CUL3: variants seen among roughly 807,000 people sequenced by gnomAD.
CUL3 encodes cullin 3, also known as cullin-3.
CUL3 carries 19 observed loss-of-function variants against 89.1 expected under a neutral mutation model. That is an observed-to-expected ratio of 0.21 (90% CI 0.15 to 0.31). The LOEUF is 0.31. Among genes scored for constraint, CUL3 ranks in the 10% least tolerant of loss-of-function variants. The pLI is 1.00. For missense variants in CUL3, 469 were observed against 942.3 expected, an observed-to-expected ratio of 0.50 and a Z score of 6.58; for synonymous variants, 351 against 308.4, an observed-to-expected ratio of 1.14 and a Z score of -1.45.
chr2:224,474,127 G>A lies in CUL3; in HGVS notation c.*118C>T, dbSNP rs1223798534. ...GTAAAGGCTTGATCTCAATGGTCTA[G>A]AACATGTACTGTAATTTAATAGAAG... On this transcript the variant is annotated 3_prime_UTR_variant, in exon 16 of 16. Transcript: ENST00000264414. 13 of 1,073,202 alleles carry A rather than the reference G, an allele frequency of 1.2e-5. No homozygotes were observed. Among genetic ancestry groups the A allele is most frequent in the Non-Finnish European group, 1.7e-5 (13 of 753,990 alleles). 66.5% of individuals were successfully genotyped at this position (1,073,202 alleles called of 1,614,324 possible).
intron 1 of CUL3, among the ~76,000 whole-genome samples, chr2:224,572,488 A>G (rs1695204123): frequency 6.6e-6 from 1 of 151,852 alleles, no homozygotes; most frequent in South Asian, 2.1e-4. Flanking sequence ...CTTAAAAAAA[A>G]AAAAAAAAAA....
chr2:224,472,038 AAAT>A lies in CUL3; in HGVS notation c.*2204_*2206del, dbSNP rs752490582. On this transcript the variant is annotated 3_prime_UTR_variant, in exon 16 of 16. Transcript: ENST00000264414. ...ATTTTGTTATAACCTTTATGACCTA[AAAT>A]AATACTTATGCAGTCAAACATATAA... 10 of 231,098 alleles carry A rather than the reference AAAT, an allele frequency of 4.3e-5. No homozygotes were observed. The highest frequency in any genetic ancestry group is 6.8e-5 in the Non-Finnish European group (8 of 116,790). 14.3% of individuals were successfully genotyped at this position (231,098 alleles called of 1,614,324 possible).
chr2:224,517,991 G>C (rs1012525573), intron 3 of CUL3, among the ~76,000 whole-genome samples: 1 of 151,814 alleles, frequency 6.6e-6, no homozygotes, highest in African/African-American at 2.4e-5. Context: ...AGTACAATTC[G>C]AATACACAGG....
intron 1 of CUL3, among the ~76,000 whole-genome samples, chr2:224,569,045 T>C (rs1269516701): frequency 6.6e-6 from 1 of 152,218 alleles, no homozygotes; most frequent in Non-Finnish European, 1.5e-5. Context: ...TAAGCTATAC[T>C]TCATTCCAGG....
At chr2:224,568,878 G>A (rs556153106) in intron 1 of CUL3, among the ~76,000 whole-genome samples, 1 of 152,248 alleles carries the variant, frequency 6.6e-6, no homozygotes, top group East Asian at 1.9e-4. Context: ...TCAAATGCAC[G>A]TCAACATCCT....
chr2:224,555,595 A>G (rs979024809), intron 2 of CUL3, among the ~76,000 whole-genome samples: 1 of 152,204 alleles, frequency 6.6e-6, no homozygotes, highest in Non-Finnish European at 1.5e-5. Flanking sequence ...TTCCCAAACC[A>G]TCTTTGTAAC....
At position 224,506,072 on chromosome 2, in the gene CUL3, G is replaced by A. The variant is rs765785569; in HGVS notation, c.1090C>T (p.Arg364Cys). ...RFLLESFNND[R>C]LFKQTIAGDF... Reference sequence around the variant, plus strand: ...CCCGCAATAGTTTGTTTAAAGAGACGGTCATTGTTGAATGATTCCAGGAGG... The same window carrying A: ...CCCGCAATAGTTTGTTTAAAGAGACAGTCATTGTTGAATGATTCCAGGAGG... Residue 364 changes from arginine (R) to cysteine (C), a missense_variant, in exon 8 of 16, where the codon CGT becomes TGT. By Grantham distance (180) the Arg-to-Cys change is radical (BLOSUM62 -3). Coordinates refer to ENST00000264414, the MANE Select transcript of CUL3 (RefSeq NM_003590.5). 5.0e-6 allele frequency: 8 copies of A among 1,612,346 alleles called. No homozygotes were observed. The highest frequency in any genetic ancestry group is 6.8e-6 in the Non-Finnish European group (8 of 1,179,100).
intron 14 of CUL3, 120 bp from the exon 15 acceptor site, chr2:224,478,465 CACTT>C (rs1489463087): frequency 5.3e-5 from 42 of 797,466 alleles, no homozygotes; most frequent in Non-Finnish European, 7.8e-5. Flanking sequence ...TGAATATACA[CACTT>C]ATTAATTCAA....
chr2:224,550,458 C>T (rs569836312), intron 2 of CUL3, among the ~76,000 whole-genome samples: 29 of 152,220 alleles, frequency 1.9e-4, no homozygotes, highest in African/African-American at 7.0e-4. Context: ...CAACCTGTAC[C>T]ATCTATATGT....
chr2:224,584,061 C>G (rs945101376), intron 1 of CUL3, among the ~76,000 whole-genome samples: 3 of 152,172 alleles, frequency 2.0e-5, no homozygotes, highest in African/African-American at 4.8e-5. Flanking sequence ...CACGGGGAAG[C>G]TGAACCAGAT....
intron 3 of CUL3, among the ~76,000 whole-genome samples, chr2:224,516,265 C>T (rs1425996740): frequency 6.6e-6 from 1 of 151,332 alleles, no homozygotes; most frequent in Non-Finnish European, 1.5e-5. Flanking sequence ...CTTCCATCCT[C>T]AAGATCTTAA....
At chr2:224,563,454 T>G (rs1246755444) in intron 1 of CUL3, 1 of 256,974 alleles carries the variant, frequency 3.9e-6, no homozygotes, top group East Asian at 1.2e-4. Context: ...GTGTGTGCAC[T>G]TCTTTTCTGG....
chr2:224,542,973 C>T (rs1425378382), intron 2 of CUL3, among the ~76,000 whole-genome samples: 1 of 152,126 alleles, frequency 6.6e-6, no homozygotes, highest in Non-Finnish European at 1.5e-5. Context: ...AGCTGAAGGA[C>T]ATAATGTGCA....
In CUL3 at chr2:224,502,977, T is replaced by C. The variant is rs560404714; in HGVS notation, c.1473A>G (p.Leu491=). 1.2e-6 allele frequency: 2 copies of C among 1,612,432 alleles called. No individual in the cohort carries two copies. The highest frequency in any genetic ancestry group is 1.7e-6 in the Non-Finnish European group (2 of 1,178,508). Residue 491 remains leucine, a synonymous_variant, in exon 10 of 16, where the codon CTA becomes CTG. Transcript: ENST00000264414. The part of the protein sequence containing the change: ...NTTMDEFRQH[L]QATGVSLGGV... Reference sequence around the variant, plus strand: ...CGCAGAATCTTACACCAGTTGCCTGTAGATGTTGCCTGAATTCATCCATCG... The same window carrying C: ...CGCAGAATCTTACACCAGTTGCCTGCAGATGTTGCCTGAATTCATCCATCG...
chr2:224,553,965 T>A (rs1442634831), intron 2 of CUL3, among the ~76,000 whole-genome samples: 2 of 152,128 alleles, frequency 1.3e-5, no homozygotes, highest in Non-Finnish European at 2.9e-5. Context: ...TCTCATGGAG[T>A]GACTGCTCAC....
intron 2 of CUL3, among the ~76,000 whole-genome samples, chr2:224,545,838 G>A (rs1694272664): frequency 1.3e-5 from 2 of 152,170 alleles, no homozygotes; most frequent in African/African-American, 2.4e-5. Flanking sequence ...CAGGTGTTAG[G>A]ACAATACACT....
chr2:224,539,991 G>C (rs7588622), intron 2 of CUL3, among the ~76,000 whole-genome samples: 2,351 of 102,872 alleles, frequency 0.023, 66 homozygotes, highest in African/African-American at 0.094. Flanking sequence ...GTGCATACAG[G>C]GGGGGAGGCT....
intron 3 of CUL3, among the ~76,000 whole-genome samples, chr2:224,524,917 T>A (rs1574656432): frequency 6.6e-6 from 1 of 151,432 alleles, no homozygotes; most frequent in Non-Finnish European, 1.5e-5. Flanking sequence ...AAAAAACTAA[T>A]CTAATGCATA....
chr2:224,537,775 C>T (rs938508635), intron 2 of CUL3, among the ~76,000 whole-genome samples: 2 of 152,036 alleles, frequency 1.3e-5, no homozygotes, highest in African/African-American at 2.4e-5. Flanking sequence ...CTACATACCG[C>T]TATATTATAA....
Sources: gnomAD v4.1 joint callset for allele counts (sites outside exome capture counted in the v4.1 genomes callset) on GRCh38, gnomAD v4.1.1 for gene constraint, MANE v1.5 for transcripts, NCBI Gene and HGNC (gene_info 2026-07-23, HGNC 2026-07-21) for gene names.